The following DCAF7 variants were observed in gnomAD, a reference collection of about 807,000 sequenced individuals.
The protein encoded by DCAF7 is DDB1 and CUL4 associated factor 7.
DCAF7 carries 4 observed loss-of-function variants against 41.2 expected under a neutral mutation model. The ratio of observed to expected loss-of-function variants is 0.10; its 90% confidence interval spans 0.05 to 0.22. The LOEUF is 0.22. Among genes scored for constraint, DCAF7 ranks in the 10% least tolerant of loss-of-function variants. The probability of loss-of-function intolerance (pLI) is 1.00; values close to 1 mark genes in which losing one functional copy is unlikely to be tolerated. For synonymous variants in DCAF7, 143 were observed against 164.2 expected (o/e 0.87, Z 0.99); for missense variants, 131 against 443.2 (o/e 0.30, Z 6.32).
At chr17:63,553,952 T>C (rs1051494522) in intron 1 of DCAF7, among the ~76,000 whole-genome samples, 7 of 152,160 alleles carry the variant, frequency 4.6e-5, no homozygotes, top group African/African-American at 1.4e-4. Flanking sequence ...ACCTGTAATC[T>C]TAGCACTTTG....
At chr17:63,578,905 C>T (rs1307202013) in intron 2 of DCAF7, among the ~76,000 whole-genome samples, 1 of 152,202 alleles carries the variant, frequency 6.6e-6, no homozygotes, top group African/African-American at 2.4e-5. Context: ...TACTTGGGAA[C>T]TCATATTCTG....
intron 6 of DCAF7, among the ~76,000 whole-genome samples, chr17:63,586,165 A>C (rs971017164): frequency 3.4e-5 from 5 of 148,914 alleles, no homozygotes; most frequent in African/African-American, 4.9e-5. Context: ...CCTTAAAAAT[A>C]TGTTGGGCCA....
rs541701296 is a variant in DCAF7, at chr17:63,577,955, G to A, written c.139-515G>A. 4.6e-5 allele frequency among the ~76,000 whole-genome samples: 7 copies of A among 152,302 alleles called. No individual in the cohort carries two copies. In the South Asian group the frequency reaches 1.2e-3, roughly 27 times the overall value. On this transcript the variant is annotated intron_variant, in intron 1 of 6. Transcript: ENST00000614556. Reference sequence around the variant, plus strand: ...TCTCCTACTGGCTTTGCAGTGTTGAGTGTAACCACCCCTTTGAGTCTGGGT... The same window carrying A: ...TCTCCTACTGGCTTTGCAGTGTTGAATGTAACCACCCCTTTGAGTCTGGGT...
At chr17:63,575,122 G>C (rs1331022010) in intron 1 of DCAF7, among the ~76,000 whole-genome samples, 2 of 152,202 alleles carry the variant, frequency 1.3e-5, no homozygotes, top group African/African-American at 4.8e-5. Flanking sequence ...TTTGAGACCA[G>C]CCTGGCCAAC....
At chr17:63,580,380 T>G (rs757385189) in intron 4 of DCAF7, among the ~76,000 whole-genome samples, 1 of 152,134 alleles carries the variant, frequency 6.6e-6, no homozygotes. Flanking sequence ...TTTTACCAAA[T>G]CCTAGTATGT....
chr17:63,559,336 TACATATATATAC>T (rs1178819382), intron 1 of DCAF7, among the ~76,000 whole-genome samples: 4 of 127,904 alleles, frequency 3.1e-5, no homozygotes, highest in African/African-American at 1.3e-4. Flanking sequence ...TATATATACA[TACATATATATAC>T]GTATATATAT....
At chr17:63,579,983 C>T (rs2033603019) in intron 4 of DCAF7, 40 bp downstream of exon 4, 1 of 1,515,228 alleles carries the variant, frequency 6.6e-7, no homozygotes, top group African/African-American at 1.4e-5. Flanking sequence ...CAAATGCTTC[C>T]TGTGCCTTCC....
intron 5 of DCAF7, among the ~76,000 whole-genome samples, chr17:63,584,619 G>A (rs148672968): frequency 0.015 from 2,291 of 152,130 alleles, 55 homozygotes; most frequent in African/African-American, 0.052. Flanking sequence ...AAAATTAGCC[G>A]GGCGTGGTGT....
chr17:63,580,501 T>G (rs1410886323), intron 4 of DCAF7, among the ~76,000 whole-genome samples: 1 of 148,030 alleles, frequency 6.8e-6, no homozygotes, highest in African/African-American at 2.5e-5. Context: ...GAGCTATTTG[T>G]GATTGCTTTT....
In DCAF7 at chr17:63,550,517, T is replaced by C. The variant is rs935037701; in HGVS notation, c.-161T>C. ...GCTGGTTTGAAACTAGGGGTCGGGC[T>C]CGGCCGTCGTCGTTGTTTGTCGCCG... On this transcript the variant is annotated 5_prime_UTR_variant, in exon 1 of 7. Coordinates refer to ENST00000614556, the MANE Select transcript of DCAF7 (RefSeq NM_005828.5). The surrounding 1 kb of genome is among the most constrained non-coding windows in gnomAD (Gnocchi z 4.8). The C allele has an allele frequency of 1.7e-6, 2 of 1,176,428 alleles. No homozygotes were observed. The highest frequency in any genetic ancestry group is 5.3e-5 in the East Asian group (2 of 37,978). The allele number at this position is 1,176,428 out of a possible 1,614,324, so 72.9% of individuals were successfully genotyped here.
chr17:63,562,695 C>T (rs1448372204), intron 1 of DCAF7, among the ~76,000 whole-genome samples: 1 of 125,280 alleles, frequency 8.0e-6, no homozygotes, highest in African/African-American at 3.0e-5. Flanking sequence ...CCCCTCCCCC[C>T]ACCCCACAAC....
intron 1 of DCAF7, among the ~76,000 whole-genome samples, chr17:63,577,078 A>G (rs1313190411): frequency 6.6e-6 from 1 of 152,194 alleles, no homozygotes; most frequent in Non-Finnish European, 1.5e-5. Flanking sequence ...TTCTATTTAT[A>G]TCGTATTATG....
intron 1 of DCAF7, among the ~76,000 whole-genome samples, chr17:63,577,684 T>G (rs1300134355): frequency 6.6e-6 from 1 of 152,188 alleles, no homozygotes; most frequent in Non-Finnish European, 1.5e-5. Context: ...GTGAGGGTTG[T>G]GCACTATTGG....
At chr17:63,563,769 C>T (rs1253520582) in intron 1 of DCAF7, among the ~76,000 whole-genome samples, 2 of 151,942 alleles carry the variant, frequency 1.3e-5, no homozygotes, top group African/African-American at 2.4e-5. Context: ...GAGCTGAGAT[C>T]GTGCCACTGC....
intron 5 of DCAF7, 45 bp from the exon 6 acceptor site, chr17:63,585,166 A>T (rs761934291): frequency 2.6e-6 from 4 of 1,531,568 alleles, no homozygotes; most frequent in Admixed American, 3.8e-5. Flanking sequence ...GTTTTTTTCT[A>T]TGAAACTCTG....
At position 63,589,367 on chromosome 17, in the gene DCAF7, G is replaced by T; in HGVS notation, c.*195G>T. 1 of 739,328 alleles carries T rather than the reference G, an allele frequency of 1.4e-6. No homozygotes were observed. Among genetic ancestry groups the T allele is most frequent in the East Asian group, 2.8e-5 (1 of 36,114 alleles). The allele number at this position is 739,328 out of a possible 1,614,324, so 45.8% of individuals were successfully genotyped here. ...TCTGTGGCAGACTCAGTGCTGTGTG[G>T]CGCCTCCTCAGCCCAGGGCTGAGTT... is the stretch of plus-strand genomic sequence containing the variant. On this transcript the variant is annotated 3_prime_UTR_variant, in exon 7 of 7. Coordinates refer to ENST00000614556, the MANE Select transcript of DCAF7 (RefSeq NM_005828.5).
chr17:63,589,522 C>G lies in DCAF7; in HGVS notation c.*350C>G, dbSNP rs1246531598. ...TGTGTCTATTCCTCTGCCCAGGTGT[C>G]TCTGTTTGCTGCCCAAGGCAGCAGT... On this transcript the variant is annotated 3_prime_UTR_variant, in exon 7 of 7. Coordinates refer to ENST00000614556, the MANE Select transcript of DCAF7 (RefSeq NM_005828.5). 1 of 337,336 alleles carries G rather than the reference C, an allele frequency of 3.0e-6. No homozygotes were observed. Among genetic ancestry groups the G allele is most frequent in the Non-Finnish European group, 5.8e-6 (1 of 172,954 alleles). 20.9% of individuals were successfully genotyped at this position (337,336 alleles called of 1,614,324 possible).
intron 1 of DCAF7, among the ~76,000 whole-genome samples, chr17:63,557,917 G>A (rs879422377): frequency 6.6e-6 from 1 of 152,114 alleles, no homozygotes; most frequent in African/African-American, 2.4e-5. Flanking sequence ...TTTGTTTTGA[G>A]ACAGTGTCTC....
intron 1 of DCAF7, among the ~76,000 whole-genome samples, chr17:63,577,371 T>C (rs1459785255): frequency 6.6e-6 from 1 of 152,234 alleles, no homozygotes; most frequent in South Asian, 2.1e-4. Context: ...GTTGTCTGGT[T>C]AGTGCTTTTC....
Sources: allele counts gnomAD v4.1 joint callset (sites outside exome capture counted in the v4.1 genomes callset), GRCh38; gene constraint gnomAD v4.1.1; non-coding constraint Gnocchi (gnomAD v3.1); transcripts MANE v1.5; gene names NCBI Gene and HGNC (gene_info 2026-07-23, HGNC 2026-07-21).